Variants in CYP39A1 observed in about 807,000 individuals in gnomAD.
The protein encoded by CYP39A1 is 24-hydroxycholesterol 7-alpha-hydroxylase.
Under a neutral mutation model 58.1 loss-of-function variants are expected in CYP39A1, and 49 were observed. The ratio of observed to expected loss-of-function variants is 0.84; its 90% confidence interval spans 0.67 to 1.07. The LOEUF is 1.07. CYP39A1 is among the 50% of genes least tolerant of loss of function. The pLI is 0.00. For missense variants in CYP39A1, 531 were observed against 539.4 expected, an observed-to-expected ratio of 0.98 and a Z score of 0.16; for synonymous variants, 209 against 187.6, an observed-to-expected ratio of 1.11 and a Z score of -0.93.
chr6:46,555,790 G>A (rs150640266), intron 10 of CYP39A1, among the ~76,000 whole-genome samples: 1 of 152,286 alleles, frequency 6.6e-6, no homozygotes, highest in Non-Finnish European at 1.5e-5. Context: ...TACTGTTCTT[G>A]AAACATCTTG....
intron 7 of CYP39A1, among the ~76,000 whole-genome samples, chr6:46,612,744 G>A (rs540131975): frequency 2.4e-4 from 36 of 152,314 alleles, no homozygotes; most frequent in East Asian, 2.3e-3. Flanking sequence ...CCACTGGAGC[G>A]TCCTTGGCTC....
chr6:46,623,562 CATGGG>C (rs969331145), intron 7 of CYP39A1, among the ~76,000 whole-genome samples: 2 of 152,158 alleles, frequency 1.3e-5, no homozygotes, highest in African/African-American at 4.8e-5. Flanking sequence ...AACAGCACAT[CATGGG>C]ACTCCTCAGC....
chr6:46,591,638 G>T (rs1772843053), intron 8 of CYP39A1, among the ~76,000 whole-genome samples: 1 of 151,928 alleles, frequency 6.6e-6, no homozygotes, highest in South Asian at 2.1e-4. Flanking sequence ...ATTTAAAATA[G>T]ACATAGACAA....
intron 1 of CYP39A1, among the ~76,000 whole-genome samples, chr6:46,650,374 G>A (rs1325246890): frequency 1.4e-5 from 1 of 71,280 alleles, no homozygotes; most frequent in African/African-American, 7.5e-5. Context: ...AAAGGTGGGA[G>A]CACTCTGGCT....
chr6:46,581,963 A>C (rs535905677), intron 10 of CYP39A1, among the ~76,000 whole-genome samples: 87 of 152,308 alleles, frequency 5.7e-4, no homozygotes, highest in Admixed American at 9.8e-4. Flanking sequence ...TTTGCAAAGC[A>C]GTGAGAAGAG....
intron 9 of CYP39A1, 63 bp downstream of exon 9, chr6:46,587,971 A>G: frequency 1.0e-6 from 1 of 973,474 alleles, no homozygotes; most frequent in Non-Finnish European, 1.5e-6. Flanking sequence ...TTCTGAATTT[A>G]CCCTTCTGAA....
chr6:46,643,933 T>A (rs1253273348), intron 1 of CYP39A1, among the ~76,000 whole-genome samples: 1 of 152,214 alleles, frequency 6.6e-6, no homozygotes, highest in East Asian at 1.9e-4. Flanking sequence ...GAGATAATTG[T>A]AGATTATCAT....
At chr6:46,590,146 G>A (rs1340477584) in intron 8 of CYP39A1, among the ~76,000 whole-genome samples, 23 of 152,144 alleles carry the variant, frequency 1.5e-4, no homozygotes, top group Admixed American at 1.5e-3. Context: ...TTACTTACAT[G>A]ACAGATGAAG....
At chr6:46,600,788 A>G (rs1773446125) in intron 7 of CYP39A1, among the ~76,000 whole-genome samples, 1 of 152,170 alleles carries the variant, frequency 6.6e-6, no homozygotes, top group African/African-American at 2.4e-5. Context: ...ATTCATGTGT[A>G]TAGTTTCTAA....
chr6:46,651,653 A>G (rs1762699739), intron 1 of CYP39A1, among the ~76,000 whole-genome samples: 1 of 152,216 alleles, frequency 6.6e-6, no homozygotes, highest in South Asian at 2.1e-4. Context: ...AAATAATGCT[A>G]CTACGTATAA....
chr6:46,616,396 C>G (rs1561994693), intron 7 of CYP39A1, among the ~76,000 whole-genome samples: 1 of 151,448 alleles, frequency 6.6e-6, no homozygotes, highest in Admixed American at 6.6e-5. Flanking sequence ...GTAGCTAGAA[C>G]CACAGGTGCA....
chr6:46,582,755 G>T (rs374726308), intron 10 of CYP39A1, among the ~76,000 whole-genome samples: 7 of 150,638 alleles, frequency 4.6e-5, no homozygotes, highest in South Asian at 2.1e-4. Flanking sequence ...GAAATGTTAT[G>T]AGTCTTTGAC....
chr6:46,626,772 C>T (rs1775332995), intron 6 of CYP39A1, among the ~76,000 whole-genome samples: 1 of 152,156 alleles, frequency 6.6e-6, no homozygotes, highest in Non-Finnish European at 1.5e-5. Context: ...TGTCTCTACT[C>T]AGGCCCCCTT....
At chr6:46,629,739 A>T (rs1057291374) in intron 6 of CYP39A1, among the ~76,000 whole-genome samples, 6 of 152,230 alleles carry the variant, frequency 3.9e-5, no homozygotes, top group Non-Finnish European at 8.8e-5. Context: ...ATGCCCACAC[A>T]TATCATCATG....
In CYP39A1 at chr6:46,636,475, A is replaced by G. The variant is rs1775998247; in HGVS notation, c.646T>C (p.Ser216Pro). The G allele has an allele frequency of 1.2e-6, 2 of 1,602,320 alleles. No individual in the cohort carries two copies. Among genetic ancestry groups the G allele is most frequent in the Non-Finnish European group, 1.7e-6 (2 of 1,173,978 alleles). ...TCCAGGAACCACTTTTTGGATTTTG[A>G]CCAGTTTCTACATGAGAAAAAATAT... is the stretch of plus-strand genomic sequence containing the variant. ...QLPECLLRNWSKSKKWFLELF... is the reference protein window; with the variant it reads ...QLPECLLRNWPKSKKWFLELF... The change falls in exon 5 of 12, where the codon TCA becomes CCA. Residue 216 changes from serine to proline, a missense_variant. Physicochemically the swap from Ser to Pro is moderately conservative, Grantham distance 74. Coordinates refer to ENST00000275016, the MANE Select transcript of CYP39A1 (RefSeq NM_016593.5).
intron 11 of CYP39A1, among the ~76,000 whole-genome samples, chr6:46,553,493 C>T (rs966880562): frequency 2.0e-5 from 3 of 152,092 alleles, no homozygotes; most frequent in Non-Finnish European, 2.9e-5. Context: ...GAAAAGTGTT[C>T]AAATTGGTAA....
intron 7 of CYP39A1, among the ~76,000 whole-genome samples, chr6:46,603,021 G>C (rs1561982355): frequency 6.6e-6 from 1 of 151,838 alleles, no homozygotes; most frequent in Non-Finnish European, 1.5e-5. Context: ...TTTCATAAAT[G>C]GTTCAAAATT....
At chr6:46,569,044 C>T (rs1561955699) in intron 10 of CYP39A1, among the ~76,000 whole-genome samples, 1 of 151,962 alleles carries the variant, frequency 6.6e-6, no homozygotes, top group African/African-American at 2.4e-5. Context: ...TTATCTATGT[C>T]CTTAATTTCT....
intron 7 of CYP39A1, among the ~76,000 whole-genome samples, chr6:46,616,150 TTCTTTCTTTCTTTTTTC>T (rs1774541967): frequency 3.1e-3 from 1 of 326 alleles, no homozygotes; most frequent in South Asian, 0.083. Flanking sequence ...CTTTCTTTCT[TTCTTTCTTTCTTTTTTC>T]TTTCTTTCTT....
Sources: allele counts gnomAD v4.1 joint callset (sites outside exome capture counted in the v4.1 genomes callset), GRCh38; gene constraint gnomAD v4.1.1; transcripts MANE v1.5; gene names NCBI Gene and HGNC (gene_info 2026-07-23, HGNC 2026-07-21).